The following NKAIN2 variants were observed in gnomAD, a reference collection of about 807,000 sequenced individuals.
The protein encoded by NKAIN2 is sodium/potassium transporting ATPase interacting 2, also known as sodium/potassium-transporting ATPase subunit beta-1-interacting protein 2.
A neutral mutation model predicts 32.6 loss-of-function variants in NKAIN2; 14 were observed. The ratio of observed to expected loss-of-function variants is 0.43; its 90% CI spans 0.28 to 0.67. The LOEUF (loss-of-function observed/expected upper bound fraction) is 0.67, where lower values mean the gene tolerates loss of function less well. Among genes scored for constraint, NKAIN2 ranks in the 30% least tolerant of loss-of-function variants. NKAIN2 has a pLI of 0.17. For synonymous variants in NKAIN2, 80 were observed against 87.2 expected, an observed-to-expected ratio of 0.92 and a Z score of 0.46; for missense variants, 198 against 258.3, an observed-to-expected ratio of 0.77 and a Z score of 1.60.
At chr6:124,163,600 C>T (rs752788510) in intron 1 of NKAIN2, among the ~76,000 whole-genome samples, 1 of 151,946 alleles carries the variant, frequency 6.6e-6, no homozygotes, top group Non-Finnish European at 1.5e-5. Context: ...TTGCAAAAGT[C>T]TCTGATGTCC....
At chr6:124,529,167 T>C (rs967828595) in intron 3 of NKAIN2, among the ~76,000 whole-genome samples, 2 of 152,222 alleles carry the variant, frequency 1.3e-5, no homozygotes, top group African/African-American at 4.8e-5. Flanking sequence ...TAGCATCATC[T>C]TCCACCTTAA....
intron 1 of NKAIN2, among the ~76,000 whole-genome samples, chr6:123,816,480 C>T (rs1431096242): frequency 6.6e-6 from 1 of 152,058 alleles, no homozygotes; most frequent in Non-Finnish European, 1.5e-5. Context: ...TTCAAAGTCC[C>T]CGGTGAAATT....
chr6:124,115,076 A>G (rs917941155), intron 1 of NKAIN2, among the ~76,000 whole-genome samples: 10 of 152,144 alleles, frequency 6.6e-5, no homozygotes, highest in Non-Finnish European at 8.8e-5. Flanking sequence ...TAAATCTGTC[A>G]ATATGTCATT....
chr6:124,368,085 G>A (rs935209945), intron 3 of NKAIN2, among the ~76,000 whole-genome samples: 12 of 152,086 alleles, frequency 7.9e-5, no homozygotes, highest in Middle Eastern at 3.4e-3. Context: ...TTTTAGAAAT[G>A]TCCCCATCCT....
chr6:124,556,491 T>C (rs1359960284), intron 3 of NKAIN2, among the ~76,000 whole-genome samples: 4 of 152,144 alleles, frequency 2.6e-5, no homozygotes, highest in Non-Finnish European at 5.9e-5. Context: ...GATAAAAGGA[T>C]AAGTTCAGCC....
At chr6:123,886,703 A>G (rs557921579) in intron 1 of NKAIN2, among the ~76,000 whole-genome samples, 75 of 152,270 alleles carry the variant, frequency 4.9e-4, no homozygotes, top group African/African-American at 1.8e-3. Flanking sequence ...ATGTTCACAA[A>G]AGTAGCCAAT....
chr6:124,437,691 G>T (rs1213325716), intron 3 of NKAIN2, among the ~76,000 whole-genome samples: 1 of 152,034 alleles, frequency 6.6e-6, no homozygotes, highest in Non-Finnish European at 1.5e-5. Flanking sequence ...ATAGAAACTG[G>T]CCATTCATGA....
At position 124,554,597 on chromosome 6, in the gene NKAIN2, T is replaced by A. The variant is rs745679919; in HGVS notation, c.274-103589T>A. On this transcript the variant is annotated intron_variant, in intron 3 of 6. Transcript: ENST00000368417. The stretch of plus-strand genomic sequence containing the variant: ...ACACAACTCACATGTTTTAAGGAGA[T>A]GAACATTTATTATTTTTTATAATTG... 1.2e-4 allele frequency among the ~76,000 whole-genome samples: 19 copies of A among 152,220 alleles called. 1 individual carries two copies. Among genetic ancestry groups the A allele is most frequent in the Non-Finnish European group, 1.9e-4 (13 of 68,030 alleles).
In NKAIN2 at chr6:124,349,656, A is replaced by G. The variant is rs190599463; in HGVS notation, c.193-5611A>G. Reference sequence around the variant, plus strand: ...CATGACTCACCTCCTTTTCTAATTAAGTTCTTAGTCTTATACTACCTTGGT... The same window carrying G: ...CATGACTCACCTCCTTTTCTAATTAGGTTCTTAGTCTTATACTACCTTGGT... On this transcript the variant is annotated intron_variant, in intron 2 of 6. Transcript: ENST00000368417. Among the ~76,000 whole-genome samples, 238 of 152,296 alleles carry G rather than the reference A, an allele frequency of 1.6e-3. 3 individuals are homozygous for G. Among genetic ancestry groups the G allele is most frequent in the African/African-American group, 5.6e-3 (231 of 41,560 alleles).
intron 1 of NKAIN2, among the ~76,000 whole-genome samples, chr6:124,200,741 T>C (rs1246727130): frequency 6.6e-6 from 1 of 152,084 alleles, no homozygotes; most frequent in Non-Finnish European, 1.5e-5. Flanking sequence ...TCATAATCAT[T>C]ACCTTCTTTT....
intron 1 of NKAIN2, among the ~76,000 whole-genome samples, chr6:124,267,449 G>C (rs1794549935): frequency 7.2e-6 from 1 of 139,584 alleles, no homozygotes; most frequent in African/African-American, 2.7e-5. Context: ...TTCGAGACCA[G>C]CGTGGCCAAT....
chr6:124,353,108 CTGAAA>C (rs958829405), intron 2 of NKAIN2, among the ~76,000 whole-genome samples: 39 of 152,240 alleles, frequency 2.6e-4, no homozygotes, highest in Admixed American at 2.1e-3. Flanking sequence ...GGTTCTGAAT[CTGAAA>C]ATAATGATTT....
intron 1 of NKAIN2, among the ~76,000 whole-genome samples, chr6:124,053,212 C>T (rs1004242349): frequency 5.9e-5 from 9 of 151,812 alleles, no homozygotes; most frequent in East Asian, 1.9e-4. Context: ...GCCTAATACC[C>T]GTTAGTTATT....
chr6:124,682,675 T>G (rs1773679073), intron 4 of NKAIN2, among the ~76,000 whole-genome samples: 1 of 152,262 alleles, frequency 6.6e-6, no homozygotes, highest in South Asian at 2.1e-4. Flanking sequence ...TTGAGTAAAT[T>G]TTTCCACTTG....
chr6:123,913,312 A>G (rs529134246), intron 1 of NKAIN2, among the ~76,000 whole-genome samples: 4 of 152,320 alleles, frequency 2.6e-5, no homozygotes, highest in Admixed American at 2.6e-4. Context: ...ATCAGAGAAT[A>G]AAAGTTCTGC....
chr6:123,819,524 T>G (rs1272027739), intron 1 of NKAIN2, among the ~76,000 whole-genome samples: 1 of 152,188 alleles, frequency 6.6e-6, no homozygotes, highest in Admixed American at 6.5e-5. Context: ...TCTTATTAAT[T>G]AAAGTTTTCC....
intron 2 of NKAIN2, among the ~76,000 whole-genome samples, chr6:124,342,711 A>G (rs924173609): frequency 5.3e-5 from 8 of 151,602 alleles, no homozygotes; most frequent in Non-Finnish European, 2.9e-5. Flanking sequence ...GTTTCATCCT[A>G]TTCTAGGCTG....
intron 2 of NKAIN2, among the ~76,000 whole-genome samples, chr6:124,344,921 G>A (rs914622510): frequency 6.6e-6 from 1 of 152,168 alleles, no homozygotes; most frequent in Non-Finnish European, 1.5e-5. Context: ...AGTTTTCAAA[G>A]GGAACGCTTC....
rs190808512 is a variant in NKAIN2, at chr6:123,864,900, C to T, written c.54+60646C>T. Among the ~76,000 whole-genome samples, 11 of 152,198 alleles carry T rather than the reference C, an allele frequency of 7.2e-5. No homozygotes were observed. The East Asian group carries it at 1.9e-3, about 27-fold the overall frequency. ...CAAAAACATTATATCAAGCTTTAAT[C>T]ATTAAAATTTTACACAGAAATATCT... On this transcript the variant is annotated intron_variant, in intron 1 of 6. Coordinates refer to ENST00000368417, the MANE Select transcript of NKAIN2 (RefSeq NM_001040214.3).
Sources: allele counts gnomAD v4.1 joint callset (sites outside exome capture counted in the v4.1 genomes callset), GRCh38; gene constraint gnomAD v4.1.1; transcripts MANE v1.5; gene names NCBI Gene and HGNC (gene_info 2026-07-23, HGNC 2026-07-21).